The following GSE1 variants were observed in gnomAD, a reference collection of about 807,000 sequenced individuals.
GSE1 encodes genetic suppressor element 1.
A neutral mutation model predicts 112.6 loss-of-function variants in GSE1; 32 were observed. The observed-to-expected ratio is 0.28, with a 90% CI of 0.21 to 0.38. The LOEUF (loss-of-function observed/expected upper bound fraction) is 0.38. Ranked by LOEUF, GSE1 falls within the 10% of genes least tolerant of loss-of-function variation. The probability of loss-of-function intolerance (pLI) is 1.00; values close to 1 mark genes in which losing one functional copy is unlikely to be tolerated. For missense variants in GSE1, 2,348 were observed against 1,699.2 expected, an observed-to-expected ratio of 1.38 and a Z score of -6.71; for synonymous variants, 1,115 against 735.6, an observed-to-expected ratio of 1.52 and a Z score of -8.35.
At chr16:85,248,173 T>G (rs1196424568) in intron 1 of GSE1, among the ~76,000 whole-genome samples, 1 of 152,118 alleles carries the variant, frequency 6.6e-6, no homozygotes, top group Non-Finnish European at 1.5e-5. Flanking sequence ...GCTGGGCAGG[T>G]GGGCTTGGGA....
chr16:85,587,546 G>C (rs1000790365), intron 1 of GSE1, among the ~76,000 whole-genome samples: 2 of 151,958 alleles, frequency 1.3e-5, no homozygotes, highest in Non-Finnish European at 2.9e-5. Flanking sequence ...TCACACCTTC[G>C]GCCTAGGTAC....
chr16:85,569,785 G>T (rs943502441), intron 1 of GSE1, among the ~76,000 whole-genome samples: 7 of 152,236 alleles, frequency 4.6e-5, no homozygotes, highest in African/African-American at 1.7e-4. Context: ...GTTGGGGAAA[G>T]CCTCTGCACT....
chr16:85,222,657 C>T (rs1049107213), intron 1 of GSE1, among the ~76,000 whole-genome samples: 10 of 152,230 alleles, frequency 6.6e-5, no homozygotes, highest in African/African-American at 9.6e-5. Context: ...TCCTCCAACA[C>T]AAATGAAGTC....
chr16:85,379,534 G>A (rs114826158), intron 2 of GSE1, among the ~76,000 whole-genome samples: 36 of 152,316 alleles, frequency 2.4e-4, no homozygotes, highest in African/African-American at 8.7e-4. Context: ...TCACCCCGTG[G>A]TGAGCACAGC....
chr16:85,210,129 G>A (rs77621387), intron 1 of GSE1, among the ~76,000 whole-genome samples: 3 of 152,118 alleles, frequency 2.0e-5, no homozygotes, highest in Admixed American at 6.5e-5. Flanking sequence ...GTTCTGTGTC[G>A]TATTCGTCTT....
intron 2 of GSE1, among the ~76,000 whole-genome samples, chr16:85,417,532 C>T (rs1290447291): frequency 6.6e-6 from 1 of 152,226 alleles, no homozygotes; most frequent in African/African-American, 2.4e-5. Context: ...TGCAGCATAG[C>T]GGTAGGAAGC....
chr16:85,471,070 C>T (rs891174206), intron 2 of GSE1, among the ~76,000 whole-genome samples: 1 of 152,176 alleles, frequency 6.6e-6, no homozygotes, highest in African/African-American at 2.4e-5. Context: ...TCTCCATGGA[C>T]GCCTCCGTGG....
At chr16:85,371,442 G>T (rs888669368) in intron 2 of GSE1, among the ~76,000 whole-genome samples, 2 of 152,310 alleles carry the variant, frequency 1.3e-5, no homozygotes, top group African/African-American at 2.4e-5. Context: ...GGGGCTGTAT[G>T]GGTGCAGATG....
intron 14 of GSE1, among the ~76,000 whole-genome samples, chr16:85,669,240 C>T (rs751928203): frequency 6.6e-6 from 1 of 152,256 alleles, no homozygotes; most frequent in Non-Finnish European, 1.5e-5. Context: ...GCTGGGTATG[C>T]GCTTTGACAA....
At chr16:85,590,115 A>AT in intron 1 of GSE1, among the ~76,000 whole-genome samples, 1 of 152,116 alleles carries the variant, frequency 6.6e-6, no homozygotes, top group African/African-American at 2.4e-5. Context: ...CATTTGTGCA[A>AT]TTGAACGTGT....
chr16:85,657,562 C>G lies in GSE1; in HGVS notation c.1598C>G (p.Pro533Arg). Residue 533 changes from proline (P) to arginine (R), a missense_variant, in exon 8 of 16, where the codon CCG becomes CGG. Transcript: ENST00000253458. ...LEQHLDMGRP[P>R]VPAEAEHRPE... ...CAGCACCTGGATATGGGCCGGCCCC[C>G]GGTGCCGGCGGAGGCAGAGCACAGG... 6.4e-7 allele frequency: 1 copy of G among 1,571,456 alleles called. No individual in the cohort carries two copies. Among genetic ancestry groups the G allele is most frequent in the Non-Finnish European group, 8.6e-7 (1 of 1,158,404 alleles).
At chr16:85,238,841 C>G (rs1034084906) in intron 1 of GSE1, among the ~76,000 whole-genome samples, 3 of 152,202 alleles carry the variant, frequency 2.0e-5, no homozygotes, top group Non-Finnish European at 4.4e-5. Flanking sequence ...CCTTCCAGTC[C>G]TTCCTCCAAC....
At chr16:85,331,939 C>G (rs1281444861) in intron 1 of GSE1, among the ~76,000 whole-genome samples, 2 of 151,916 alleles carry the variant, frequency 1.3e-5, no homozygotes, top group Admixed American at 6.6e-5. Context: ...GCGCATGCAG[C>G]CTTGGGGCCT....
intron 1 of GSE1, among the ~76,000 whole-genome samples, chr16:85,632,879 A>T (rs2151738340): frequency 6.6e-6 from 1 of 152,288 alleles, no homozygotes; most frequent in South Asian, 2.1e-4. Context: ...TGGTGGAAAC[A>T]TTTTGACCAG....
intron 1 of GSE1, among the ~76,000 whole-genome samples, chr16:85,247,149 C>G (rs1905945503): frequency 6.6e-6 from 1 of 152,132 alleles, no homozygotes; most frequent in Non-Finnish European, 1.5e-5. Flanking sequence ...CACCCAGGCT[C>G]TCATCTGTGG....
rs148714313 is a variant in GSE1, at chr16:85,583,916, G to A, written c.37+27553G>A. ...CAGGCAGCTTTTATGTAAAGACAGT[G>A]ATGGTCCAGTGAGTACAAAACGCTG... On this transcript the variant is annotated intron_variant, in intron 1 of 2. Transcript: ENST00000635906. 2.6e-5 allele frequency among the ~76,000 whole-genome samples: 4 copies of A among 152,330 alleles called. No individual in the cohort carries two copies. The East Asian group carries it at 7.7e-4, about 29-fold the overall frequency.
At chr16:85,279,796 C>A (rs1387232194) in intron 1 of GSE1, among the ~76,000 whole-genome samples, 2 of 152,236 alleles carry the variant, frequency 1.3e-5, no homozygotes, top group Admixed American at 6.5e-5. Context: ...CACTTGAATT[C>A]TCAGGACTGT....
intron 2 of GSE1, among the ~76,000 whole-genome samples, chr16:85,644,350 A>AC (rs1357986011): frequency 6.6e-6 from 1 of 151,790 alleles, no homozygotes; most frequent in Non-Finnish European, 1.5e-5. Flanking sequence ...TCTCAAAAAA[A>AC]AAAAAAAAAA....
intron 1 of GSE1, among the ~76,000 whole-genome samples, chr16:85,286,912 C>T (rs2045047502): frequency 2.6e-5 from 4 of 152,206 alleles, no homozygotes; most frequent in African/African-American, 7.2e-5. Flanking sequence ...AGGGCCGGGT[C>T]GGAAGCAGCT....
Sources: gnomAD v4.1 joint callset for allele counts (sites outside exome capture counted in the v4.1 genomes callset) on GRCh38, gnomAD v4.1.1 for gene constraint, MANE v1.5 for transcripts, NCBI Gene and HGNC (gene_info 2026-07-23, HGNC 2026-07-21) for gene names.